YAE1: variants seen among roughly 807,000 people sequenced by gnomAD.
YAE1 encodes protein YAE1 homolog.
In YAE1, 22 loss-of-function variants were observed where a neutral mutation model predicts 23.0. That is an observed-to-expected ratio of 0.96 (90% CI 0.68 to 1.37). The LOEUF (loss-of-function observed/expected upper bound fraction) is 1.37. YAE1 is among the 40% of genes most tolerant of loss of function. The pLI is 0.00. For synonymous variants in YAE1, 101 were observed against 97.0 expected (o/e 1.04, Z -0.24); for missense variants, 260 against 262.1 (o/e 0.99, Z 0.06).
At chr7:39,596,419 G>T (rs985442322) in intron 2 of YAE1, among the ~76,000 whole-genome samples, 10 of 151,910 alleles carry the variant, frequency 6.6e-5, no homozygotes, top group Admixed American at 5.9e-4. Flanking sequence ...TGTATTTTTA[G>T]TAGAGACGAA....
chr7:39,566,650 C>G lies in YAE1; in HGVS notation c.129+103C>G, dbSNP rs1790473374. ...GGCCCCAGCCTGGCCCGGCGCTGCT[C>G]TCTTTATCCCTAGGGACCCGGTCCG... On this transcript the variant is annotated intron_variant, in intron 1 of 2. Coordinates refer to ENST00000223273, the MANE Select transcript of YAE1 (RefSeq NM_020192.5). The G allele has an allele frequency of 2.5e-5, 37 of 1,494,304 alleles. No individual in the cohort carries two copies. The South Asian group carries it at 4.4e-4, about 18-fold the overall frequency. The allele number at this position is 1,494,304 out of a possible 1,614,324, so 92.6% of individuals were successfully genotyped here. A position where few individuals can be genotyped will look rare whatever the true frequency, so the allele number is the denominator to read the frequency against.
At chr7:39,595,098 TCTC>T (rs1790956351) in intron 2 of YAE1, among the ~76,000 whole-genome samples, 3 of 152,078 alleles carry the variant, frequency 2.0e-5, no homozygotes, top group Admixed American at 6.5e-5. Context: ...TTTTCTAACT[TCTC>T]CGCTGAAAAA....
chr7:39,573,708 AC>A (rs1790609853), downstream of YAE1, among the ~76,000 whole-genome samples: 1 of 152,216 alleles, frequency 6.6e-6, no homozygotes, highest in Admixed American at 6.5e-5. Flanking sequence ...GAAGAATCTG[AC>A]AAAGTATATC....
At chr7:39,590,796 T>C (rs1790891145) in intron 2 of YAE1, among the ~76,000 whole-genome samples, 1 of 152,164 alleles carries the variant, frequency 6.6e-6, no homozygotes, top group African/African-American at 2.4e-5. Flanking sequence ...AATTTTGGAT[T>C]TCAGATTTTT....
intron 2 of YAE1, among the ~76,000 whole-genome samples, chr7:39,585,424 A>G (rs1450563222): frequency 6.6e-6 from 1 of 152,158 alleles, no homozygotes; most frequent in African/African-American, 2.4e-5. Flanking sequence ...ATACGGAGGA[A>G]AAAACCACGT....
intron 2 of YAE1, among the ~76,000 whole-genome samples, chr7:39,600,280 T>A (rs1705080798): frequency 6.6e-6 from 1 of 152,238 alleles, no homozygotes; most frequent in South Asian, 2.1e-4. Context: ...TACTTCAGAA[T>A]GTGACCTTGT....
intron 2 of YAE1, among the ~76,000 whole-genome samples, chr7:39,607,204 G>A (rs76095566): frequency 0.015 from 2,341 of 152,192 alleles, 163 homozygotes; most frequent in East Asian, 0.14. Flanking sequence ...CACTGTGGTC[G>A]ATAGAATAAT....
chr7:39,611,184 G>A (rs994392030), downstream of YAE1, among the ~76,000 whole-genome samples: 2 of 152,054 alleles, frequency 1.3e-5, no homozygotes, highest in African/African-American at 4.8e-5. Context: ...GCCATTGGCT[G>A]TGGTTATGAC....
In YAE1 at chr7:39,566,514, G is replaced by GGAATGGCAGAGTAACATGCAAAGAC. The variant is rs1790469796; in HGVS notation, c.99_123dup (p.Val42MetfsTer4). The stretch of plus-strand genomic sequence containing the variant: ...CAGACGAGTCGCTCCTGGCGCAGCG[G>GGAATGGCAGAGTAACATGCAAAGAC]GAATGGCAGAGTAACATGCAAAGAC... On this transcript the variant is annotated frameshift_variant, in exon 1 of 3. Coordinates refer to ENST00000223273, the MANE Select transcript of YAE1 (RefSeq NM_020192.5). LOFTEE classifies it high-confidence loss of function. 6.2e-7 allele frequency: 1 copy of GGAATGGCAGAGTAACATGCAAAGAC among 1,614,010 alleles called. No homozygotes were observed. Among genetic ancestry groups the GGAATGGCAGAGTAACATGCAAAGAC allele is most frequent in the Admixed American group, 1.7e-5 (1 of 60,004 alleles).
At chr7:39,575,769 C>T (rs541829534), downstream of YAE1, among the ~76,000 whole-genome samples, 36 of 152,284 alleles carry the variant, frequency 2.4e-4, 1 homozygote, top group Middle Eastern at 6.8e-3. Context: ...TTCTTAATTT[C>T]TCATGCACTC....
downstream of YAE1, among the ~76,000 whole-genome samples, chr7:39,611,402 G>A (rs1791214621): frequency 6.6e-6 from 1 of 152,184 alleles, no homozygotes; most frequent in South Asian, 2.1e-4. Context: ...AAAGGGAAAA[G>A]GTCTCCCCTG....
downstream of YAE1, among the ~76,000 whole-genome samples, chr7:39,573,231 A>T (rs1790601998): frequency 6.6e-6 from 1 of 152,234 alleles, no homozygotes; most frequent in Non-Finnish European, 1.5e-5. Flanking sequence ...TAACAGCAAA[A>T]TACTAAAATG....
chr7:39,597,623 C>T (rs1490919427), intron 2 of YAE1, among the ~76,000 whole-genome samples: 1 of 152,192 alleles, frequency 6.6e-6, no homozygotes, highest in Non-Finnish European at 1.5e-5. Flanking sequence ...TATCCACTGT[C>T]ACCAAGTCAA....
intron 1 of YAE1, among the ~76,000 whole-genome samples, chr7:39,567,608 T>G (rs1790493363): frequency 2.0e-5 from 3 of 152,184 alleles, no homozygotes; most frequent in Admixed American, 2.0e-4. Context: ...GGGTTTTGTT[T>G]TTTGTTTTTT....
At chr7:39,584,639 C>G (rs375474029) in intron 2 of YAE1, among the ~76,000 whole-genome samples, 5 of 152,074 alleles carry the variant, frequency 3.3e-5, no homozygotes. Context: ...TGCCAGCAAA[C>G]GAGATGTAGA....
intron 2 of YAE1, among the ~76,000 whole-genome samples, chr7:39,585,647 A>G (rs1207764108): frequency 3.9e-5 from 6 of 152,230 alleles, no homozygotes; most frequent in Admixed American, 3.9e-4. Context: ...TTCTATGTGC[A>G]GACTAGCAAA....
At chr7:39,600,594 G>A (rs1350685789) in intron 2 of YAE1, among the ~76,000 whole-genome samples, 6 of 151,738 alleles carry the variant, frequency 4.0e-5, no homozygotes, top group Admixed American at 2.0e-4. Context: ...ACAGGGTTTC[G>A]CCATGTTGGT....
chr7:39,596,552 T>C (rs905797634), intron 2 of YAE1, among the ~76,000 whole-genome samples: 12 of 152,172 alleles, frequency 7.9e-5, no homozygotes, highest in Non-Finnish European at 1.5e-5. Flanking sequence ...TCACTTCCAA[T>C]AATAATTATT....
exon 3 of YAE1, chr7:39,610,209 T>C: frequency 1.6e-6 from 1 of 615,504 alleles, no homozygotes; most frequent in South Asian, 2.0e-5. Context: ...GCAATACGAG[T>C]CGTTTGTGAA....
Sources: allele counts gnomAD v4.1 joint callset (sites outside exome capture counted in the v4.1 genomes callset), GRCh38; gene constraint gnomAD v4.1.1; transcripts MANE v1.5; gene names NCBI Gene and HGNC (gene_info 2026-07-23, HGNC 2026-07-21).